Variants in HADHA observed in about 807,000 individuals in gnomAD.
HADHA encodes the protein hydroxyacyl-CoA dehydrogenase trifunctional multienzyme complex subunit alpha, also known as trifunctional enzyme subunit alpha, mitochondrial.
In HADHA, 59 loss-of-function variants were observed where a neutral mutation model predicts 91.3. The observed-to-expected ratio is 0.65, with a 90% CI of 0.52 to 0.80. The LOEUF is 0.80. HADHA is among the 30% of genes least tolerant of loss of function. The probability of loss-of-function intolerance (pLI) is 0.00; values close to 1 mark genes in which losing one functional copy is unlikely to be tolerated. For missense variants in HADHA, 800 were observed against 927.6 expected (o/e 0.86, Z 1.79); for synonymous variants, 320 against 338.9 (o/e 0.94, Z 0.61).
intron 4 of HADHA, among the ~76,000 whole-genome samples, chr2:26,236,377 ACTCT>A (rs1558330862): frequency 1.1e-5 from 1 of 94,052 alleles, no homozygotes; most frequent in Non-Finnish European, 2.2e-5. Flanking sequence ...ATATATATAT[ACTCT>A]GTGTGTGTGT....
At position 26,198,339 on chromosome 2, in the gene HADHA, G is replaced by A. The variant is rs527779505; in HGVS notation, c.1393-562C>T. On this transcript the variant is annotated intron_variant, in intron 13 of 19. Coordinates refer to ENST00000380649, the MANE Select transcript of HADHA (RefSeq NM_000182.5). Reference sequence around the variant, plus strand: ...ATAGTCTCTAATGCAGATTGTCTCCGCATTCTGGCCACGATCCCAACTTAT... The same window carrying A: ...ATAGTCTCTAATGCAGATTGTCTCCACATTCTGGCCACGATCCCAACTTAT... Among the ~76,000 whole-genome samples the A allele has an allele frequency of 5.0e-4, 76 of 150,564 alleles. 1 individual carries two copies. Among genetic ancestry groups the A allele is most frequent in the Non-Finnish European group, 9.1e-4 (62 of 67,834 alleles).
chr2:26,198,637 A>C (rs144698049), intron 13 of HADHA, among the ~76,000 whole-genome samples: 31 of 142,682 alleles, frequency 2.2e-4, no homozygotes, highest in African/African-American at 7.5e-4. Flanking sequence ...TAATGCAATA[A>C]AAGTAAAGTA....
rs12998092 is a variant in HADHA at position 26,237,204 on chromosome 2, C to T, written c.181-216G>A. 0.6 allele frequency among the ~76,000 whole-genome samples: 91,728 copies of T among 152,028 alleles called. 29,342 individuals are homozygous for T. The highest frequency in any genetic ancestry group is 0.72 in the Non-Finnish European group (48,804 of 67,982). ...AGCACCCCTTCCTTTAAAAATAGGT[C>T]TTCTCAAAGGAGAAACTCAGGGTCA... On this transcript the variant is annotated intron_variant, in intron 3 of 19. Transcript: ENST00000380649.
Position 26,239,028 on chromosome 2 carries a change from T to C in HADHA, c.110-24A>G. The C allele has an allele frequency of 1.9e-6, 3 of 1,580,932 alleles. No homozygotes were observed. In the Admixed American group the frequency reaches 5.0e-5, roughly 26 times the overall value. On this transcript the variant is annotated intron_variant, in intron 2 of 19. Transcript: ENST00000380649. ...GGCTAAAAAGAAAAGAAAGATTTAT[T>C]TGTAAACATATTTATTGCAACATAA... is the stretch of plus-strand genomic sequence containing the variant.
In HADHA at chr2:26,195,219, T is replaced by C. The variant is rs752005568; in HGVS notation, c.1493A>G (p.His498Arg). 1.9e-6 allele frequency: 3 copies of C among 1,613,162 alleles called. No homozygotes were observed. Among genetic ancestry groups the C allele is most frequent in the Non-Finnish European group, 2.5e-6 (3 of 1,179,246 alleles). The stretch of plus-strand genomic sequence containing the variant: ...CATCTTGTCCACGGGAGAGAAGTAG[T>C]GCATGCCAATCACCTGGCAAGGGGA... ...SKRPEKVIGM[H>R]YFSPVDKMQL... Residue 498 changes from histidine to arginine, a missense_variant, in exon 15 of 20, where the codon CAC becomes CGC. Coordinates refer to ENST00000380649, the MANE Select transcript of HADHA (RefSeq NM_000182.5).
In HADHA at chr2:26,229,355, C is replaced by CACACAA. The variant is rs1429369671; in HGVS notation, c.676+836_676+837insTTGTGT. On this transcript the variant is annotated intron_variant, in intron 7 of 19. Transcript: ENST00000380649. This position sits in a 1 kb window ranked among gnomAD's most constrained non-coding sequence, Gnocchi z 4.3. ...CCCAACATGTGTGCGCGCGCACACA[C>CACACAA]ACACACACACACACACACAAAATTA... 6.6e-6 allele frequency among the ~76,000 whole-genome samples: 1 copy of CACACAA among 151,314 alleles called. No individual in the cohort carries two copies.
intron 1 of HADHA, among the ~76,000 whole-genome samples, 160 bp downstream of exon 1, chr2:26,244,370 G>C (rs750728934): frequency 3.3e-5 from 5 of 152,234 alleles, no homozygotes; most frequent in Non-Finnish European, 5.9e-5. Context: ...AGTCTCTTCA[G>C]AAGGTCACGG....
chr2:26,219,753 T>C (rs1218370188), intron 7 of HADHA, among the ~76,000 whole-genome samples: 1 of 152,192 alleles, frequency 6.6e-6, no homozygotes, highest in Non-Finnish European at 1.5e-5. Flanking sequence ...GTAATCAGAA[T>C]AGTCTGACTT....
intron 1 of HADHA, among the ~76,000 whole-genome samples, chr2:26,242,911 C>T (rs1200320236): frequency 1.3e-5 from 2 of 152,224 alleles, no homozygotes; most frequent in African/African-American, 4.8e-5. Context: ...ACCAACACGT[C>T]CGGCTAATTT....
At chr2:26,197,052 C>T (rs1293276102) in intron 14 of HADHA, among the ~76,000 whole-genome samples, 4 of 152,232 alleles carry the variant, frequency 2.6e-5, no homozygotes, top group African/African-American at 9.6e-5. Flanking sequence ...CTTTCAGCTG[C>T]TTAAAGTTCT....
intron 17 of HADHA, 84 bp downstream of exon 17, chr2:26,193,493 G>A: frequency 1.8e-6 from 2 of 1,136,926 alleles, no homozygotes; most frequent in Non-Finnish European, 2.7e-6. Flanking sequence ...TCTTCCACGA[G>A]GGCTTCTGTA....
intron 5 of HADHA, among the ~76,000 whole-genome samples, chr2:26,234,000 G>A (rs1401358860): frequency 6.6e-6 from 1 of 152,218 alleles, no homozygotes; most frequent in East Asian, 1.9e-4. Flanking sequence ...AGAATTGTTT[G>A]AAGCCAGGAG....
At chr2:26,216,620 C>T (rs988545049) in intron 7 of HADHA, among the ~76,000 whole-genome samples, 3 of 152,092 alleles carry the variant, frequency 2.0e-5, no homozygotes, top group Admixed American at 6.6e-5. Flanking sequence ...CGAGCCTGGA[C>T]CATTTGGCCT....
chr2:26,193,156 G>C (rs1475013508), intron 17 of HADHA, among the ~76,000 whole-genome samples: 1 of 152,118 alleles, frequency 6.6e-6, no homozygotes, highest in Non-Finnish European at 1.5e-5. Context: ...CACTATTGCA[G>C]ATTTCATCTC....
chr2:26,238,056 GGA>G (rs1670802987), intron 3 of HADHA, among the ~76,000 whole-genome samples: 1 of 152,206 alleles, frequency 6.6e-6, no homozygotes, highest in Admixed American at 6.5e-5. Flanking sequence ...GGCCCAGGCT[GGA>G]GTGCAGTGGT....
rs1553315305 is a variant in HADHA at position 26,229,348 on chromosome 2, G to GCGCGCA, written c.676+843_676+844insTGCGCG. On this transcript the variant is annotated intron_variant, in intron 7 of 19. Transcript: ENST00000380649. This position sits in a 1 kb window ranked among gnomAD's most constrained non-coding sequence, Gnocchi z 4.3. ...GTGAGACCCCAACATGTGTGCGCGC[G>GCGCGCA]CACACACACACACACACACACACAC... Among the ~76,000 whole-genome samples, 130 of 147,628 alleles carry GCGCGCA rather than the reference G, an allele frequency of 8.8e-4. No homozygotes were observed. The highest frequency in any genetic ancestry group is 3.1e-3 in the African/African-American group (121 of 39,658).
intron 16 of HADHA, among the ~76,000 whole-genome samples, chr2:26,194,200 T>A (rs1410715059): frequency 6.6e-6 from 1 of 152,136 alleles, no homozygotes; most frequent in African/African-American, 2.4e-5. Context: ...ATGACCTCGA[T>A]GGCTACTGGA....
chr2:26,225,091 A>C (rs1670456297), intron 7 of HADHA, among the ~76,000 whole-genome samples: 1 of 152,210 alleles, frequency 6.6e-6, no homozygotes, highest in African/African-American at 2.4e-5. Context: ...TTCATAAGTA[A>C]AAATTTTCCC....
intron 1 of HADHA, among the ~76,000 whole-genome samples, chr2:26,241,583 G>A (rs1030631648): frequency 6.6e-6 from 1 of 151,922 alleles, no homozygotes; most frequent in African/African-American, 2.4e-5. Flanking sequence ...CCCGGGAGGC[G>A]GAGGTTGCAG....
Sources: allele counts gnomAD v4.1 joint callset (sites outside exome capture counted in the v4.1 genomes callset), GRCh38; gene constraint gnomAD v4.1.1; non-coding constraint Gnocchi (gnomAD v3.1); transcripts MANE v1.5; gene names NCBI Gene and HGNC (gene_info 2026-07-23, HGNC 2026-07-21).